Variants in SH3RF3 observed in about 807,000 individuals in gnomAD.
The protein encoded by SH3RF3 is E3 ubiquitin-protein ligase SH3RF3.
Under a neutral mutation model 66.3 loss-of-function variants are expected in SH3RF3, and 29 were observed. The observed-to-expected ratio is 0.44, with a 90% CI of 0.33 to 0.60. SH3RF3 has a LOEUF of 0.60. Ranked by LOEUF, SH3RF3 falls within the 20% of genes least tolerant of loss-of-function variation. The probability of loss-of-function intolerance (pLI) is 0.04; values close to 1 mark genes in which losing one functional copy is unlikely to be tolerated. For missense variants in SH3RF3, 1,194 were observed against 1,190.9 expected (o/e 1.00, Z -0.04); for synonymous variants, 583 against 532.0 (o/e 1.10, Z -1.32).
At chr2:109,234,802 G>A (rs1485532222) in intron 1 of SH3RF3, among the ~76,000 whole-genome samples, 1 of 152,182 alleles carries the variant, frequency 6.6e-6, no homozygotes, top group African/African-American at 2.4e-5. Flanking sequence ...ACTTCCTGGG[G>A]AAATTCAACC....
chr2:109,313,753 C>G (rs1475304741), intron 1 of SH3RF3: 1 of 154,994 alleles, frequency 6.5e-6, no homozygotes, highest in East Asian at 1.9e-4. Context: ...CTTCCGGTTT[C>G]TTTGTAGCGA....
Position 109,253,611 on chromosome 2 carries a change from C to T in SH3RF3, c.574-94063C>T, listed in dbSNP as rs184666489. 7.3e-3 allele frequency among the ~76,000 whole-genome samples: 1,115 copies of T among 152,196 alleles called. 8 individuals are homozygous for T. The highest frequency in any genetic ancestry group is 0.024 in the South Asian group (114 of 4,818). ...TATTCTGACTAATTTAACAGTCTTT[C>T]GGTTTAGCCTGTGCTTGGGGCTGTG... On this transcript the variant is annotated intron_variant, in intron 1 of 9. Transcript: ENST00000309415.
At chr2:109,494,369 C>T (rs1679201693) in intron 9 of SH3RF3, among the ~76,000 whole-genome samples, 1 of 152,192 alleles carries the variant, frequency 6.6e-6, no homozygotes, top group Non-Finnish European at 1.5e-5. Context: ...TGAAACCAAA[C>T]TGCTCATGAG....
chr2:109,276,740 C>T (rs1224732069), intron 1 of SH3RF3, among the ~76,000 whole-genome samples: 3 of 152,182 alleles, frequency 2.0e-5, no homozygotes, highest in Non-Finnish European at 4.4e-5. Flanking sequence ...TGTGATACCT[C>T]AGCCTTCTCT....
chr2:109,422,379 A>G (rs767606786), intron 5 of SH3RF3, among the ~76,000 whole-genome samples: 5 of 152,176 alleles, frequency 3.3e-5, no homozygotes, highest in Non-Finnish European at 5.9e-5. Flanking sequence ...GCACTGAAAC[A>G]TGAGCCCTTG....
chr2:109,271,129 G>T (rs1434534998), intron 1 of SH3RF3, among the ~76,000 whole-genome samples: 1 of 152,214 alleles, frequency 6.6e-6, no homozygotes, highest in Non-Finnish European at 1.5e-5. Context: ...CGAAGTGCAG[G>T]CAGAGAGCCA....
At chr2:109,338,757 C>T (rs1682486123) in intron 1 of SH3RF3, among the ~76,000 whole-genome samples, 1 of 152,142 alleles carries the variant, frequency 6.6e-6, no homozygotes, top group Non-Finnish European at 1.5e-5. Flanking sequence ...GGAGTTTCAC[C>T]ATGTTGGCCA....
chr2:109,137,207 T>C (rs1486970490), intron 1 of SH3RF3, among the ~76,000 whole-genome samples: 2 of 152,264 alleles, frequency 1.3e-5, no homozygotes, highest in African/African-American at 4.8e-5. Context: ...GATTTGGGGC[T>C]TAGTGAGTTT....
chr2:109,241,479 A>G (rs941301774), intron 1 of SH3RF3, among the ~76,000 whole-genome samples: 1 of 152,148 alleles, frequency 6.6e-6, no homozygotes, highest in African/African-American at 2.4e-5. Flanking sequence ...TATCTTTTGA[A>G]ATTTCCTACA....
intron 1 of SH3RF3, among the ~76,000 whole-genome samples, chr2:109,218,534 G>A (rs1385897129): frequency 1.3e-5 from 2 of 152,178 alleles, no homozygotes; most frequent in Non-Finnish European, 2.9e-5. Flanking sequence ...TGGTACGGAT[G>A]CCTTCTGACC....
intron 1 of SH3RF3, among the ~76,000 whole-genome samples, chr2:109,301,939 C>T (rs560740912): frequency 4.5e-4 from 68 of 152,308 alleles, no homozygotes; most frequent in African/African-American, 1.6e-3. Context: ...TTTCTGCCCT[C>T]CTTCCCGCAG....
intron 8 of SH3RF3, among the ~76,000 whole-genome samples, chr2:109,485,510 T>G (rs1195953832): frequency 2.6e-5 from 4 of 152,232 alleles, no homozygotes; most frequent in Non-Finnish European, 4.4e-5. Flanking sequence ...AATGTTCTAC[T>G]AAACAGTTAA....
At chr2:109,418,997 T>A (rs1676799336) in intron 4 of SH3RF3, among the ~76,000 whole-genome samples, 1 of 151,994 alleles carries the variant, frequency 6.6e-6, no homozygotes. Flanking sequence ...TCGGGTCATC[T>A]CCTTGCTTAA....
At chr2:109,458,945 C>T (rs548294421) in intron 8 of SH3RF3, among the ~76,000 whole-genome samples, 6 of 152,288 alleles carry the variant, frequency 3.9e-5, no homozygotes, top group Admixed American at 1.3e-4. Flanking sequence ...TCACCATCAC[C>T]GTCCATCCTT....
chr2:109,284,763 CAT>C (rs930150370), intron 1 of SH3RF3, among the ~76,000 whole-genome samples: 9 of 152,170 alleles, frequency 5.9e-5, no homozygotes, highest in African/African-American at 2.2e-4. Context: ...TGGCTAAGCA[CAT>C]GTGTGTGGAG....
At chr2:109,231,410 C>A (rs1363294333) in intron 1 of SH3RF3, among the ~76,000 whole-genome samples, 1 of 152,190 alleles carries the variant, frequency 6.6e-6, no homozygotes, top group Non-Finnish European at 1.5e-5. Context: ...TAGATCTGTG[C>A]CTGGTTGGGG....
At chr2:109,288,101 T>C (rs1366187391) in intron 1 of SH3RF3, among the ~76,000 whole-genome samples, 1 of 152,232 alleles carries the variant, frequency 6.6e-6, no homozygotes, top group African/African-American at 2.4e-5. Context: ...TGAAGTTGTC[T>C]TGTTTGCCCA....
At chr2:109,296,197 G>A (rs1363088629) in intron 1 of SH3RF3, among the ~76,000 whole-genome samples, 1 of 151,734 alleles carries the variant, frequency 6.6e-6, no homozygotes, top group African/African-American at 2.4e-5. Context: ...CCCATCTCCT[G>A]GCTTCCACTC....
At chr2:109,334,899 T>G (rs758299008) in intron 1 of SH3RF3, among the ~76,000 whole-genome samples, 11 of 152,234 alleles carry the variant, frequency 7.2e-5, no homozygotes, top group Non-Finnish European at 8.8e-5. Context: ...TTGAGAAGCC[T>G]TCTTTTTGCT....
Sources: gnomAD v4.1 joint callset for allele counts (sites outside exome capture counted in the v4.1 genomes callset) on GRCh38, gnomAD v4.1.1 for gene constraint, MANE v1.5 for transcripts, NCBI Gene and HGNC (gene_info 2026-07-23, HGNC 2026-07-21) for gene names.